Variants in UNC5C observed in about 807,000 individuals in gnomAD.
UNC5C encodes the protein netrin receptor UNC5C.
Under a neutral mutation model 99.8 loss-of-function variants are expected in UNC5C, and 47 were observed. The observed-to-expected ratio is 0.47, with a 90% CI of 0.37 to 0.60. UNC5C has a LOEUF of 0.60. UNC5C is among the 20% of genes least tolerant of loss of function. The pLI is 0.00. For missense variants in UNC5C, 1,062 were observed against 1,165.9 expected (o/e 0.91, Z 1.30); for synonymous variants, 487 against 452.2 (o/e 1.08, Z -0.98).
In UNC5C at chr4:95,343,003, AT is replaced by A. The variant is rs1743637298; in HGVS notation, c.125-7373del. 2.0e-5 allele frequency among the ~76,000 whole-genome samples: 3 copies of A among 151,388 alleles called. No homozygotes were observed. The South Asian group carries it at 6.3e-4, about 32-fold the overall frequency. On this transcript the variant is annotated intron_variant, in intron 1 of 15. Transcript: ENST00000453304. ...TGGGTGCCAGTTTAGCCACAGTAGAATAGAGTTCCAGGTAGATTCTTAAGGT... is the reference window on the plus strand; with the variant it reads ...TGGGTGCCAGTTTAGCCACAGTAGAAAGAGTTCCAGGTAGATTCTTAAGGT...
chr4:95,444,893 T>C (rs1001964811), intron 1 of UNC5C, among the ~76,000 whole-genome samples: 3 of 152,196 alleles, frequency 2.0e-5, no homozygotes, highest in Non-Finnish European at 2.9e-5. Context: ...TTTTCAATTA[T>C]ATTTAGAAAT....
intron 1 of UNC5C, among the ~76,000 whole-genome samples, chr4:95,478,120 CT>C (rs1721002244): frequency 6.6e-6 from 1 of 151,972 alleles, no homozygotes; most frequent in Non-Finnish European, 1.5e-5. Context: ...TTGAACAAGT[CT>C]TTATTAGTCC....
Position 95,500,966 on chromosome 4 carries a change from C to T in UNC5C, c.124+47768G>A, listed in dbSNP as rs569028467. ...CTAACATCAATAGCTATTTTAGATA[C>T]TACTGCATGATCATTAGTCGAAAAA... is the stretch of plus-strand genomic sequence containing the variant. On this transcript the variant is annotated intron_variant, in intron 1 of 15. Transcript: ENST00000453304. 1.2e-4 allele frequency among the ~76,000 whole-genome samples: 19 copies of T among 152,190 alleles called. No homozygotes were observed. The South Asian group carries it at 3.9e-3, about 32-fold the overall frequency.
chr4:95,452,027 G>T (rs986988425), intron 1 of UNC5C, among the ~76,000 whole-genome samples: 3 of 152,078 alleles, frequency 2.0e-5, no homozygotes, highest in African/African-American at 7.2e-5. Flanking sequence ...ACCTTTTAAA[G>T]CAAATATTTA....
intron 4 of UNC5C, among the ~76,000 whole-genome samples, chr4:95,271,291 G>A (rs1271883210): frequency 1.3e-5 from 2 of 151,612 alleles, no homozygotes; most frequent in Non-Finnish European, 2.9e-5. Flanking sequence ...GCAGTGGCGC[G>A]ATCTCGGCTC....
chr4:95,431,248 C>G (rs925029573), intron 1 of UNC5C, among the ~76,000 whole-genome samples: 3 of 152,048 alleles, frequency 2.0e-5, no homozygotes, highest in Admixed American at 1.3e-4. Context: ...CCATACCACT[C>G]TATAGTGATG....
At chr4:95,180,794 A>G (rs983483734) in intron 14 of UNC5C, among the ~76,000 whole-genome samples, 4 of 152,210 alleles carry the variant, frequency 2.6e-5, no homozygotes, top group African/African-American at 9.6e-5. Flanking sequence ...GAGATAGGAC[A>G]TTGGAACGGG....
intron 2 of UNC5C, among the ~76,000 whole-genome samples, chr4:95,327,593 A>T (rs576661230): frequency 6.6e-6 from 1 of 152,094 alleles, no homozygotes; most frequent in Non-Finnish European, 1.5e-5. Flanking sequence ...TCTAAATTTT[A>T]TCTCAGAGAG....
intron 14 of UNC5C, among the ~76,000 whole-genome samples, chr4:95,175,842 C>G (rs141751823): frequency 0.43 from 65,528 of 151,372 alleles, 16,631 homozygotes; most frequent in Admixed American, 0.58. Context: ...AGAGTGTTTT[C>G]CAACTTGGTT....
intron 1 of UNC5C, among the ~76,000 whole-genome samples, chr4:95,503,336 G>A (rs749113522): frequency 6.6e-6 from 1 of 152,046 alleles, no homozygotes; most frequent in East Asian, 1.9e-4. Context: ...CTTCAGAACT[G>A]TGAACTTTTT....
At chr4:95,175,743 A>C (rs892635930) in intron 14 of UNC5C, among the ~76,000 whole-genome samples, 1 of 151,982 alleles carries the variant, frequency 6.6e-6, no homozygotes, top group Admixed American at 6.6e-5. Context: ...CTTCTTGAGG[A>C]GTATCTTTGT....
chr4:95,543,598 T>C (rs1722980018), intron 1 of UNC5C, among the ~76,000 whole-genome samples: 1 of 152,234 alleles, frequency 6.6e-6, no homozygotes, highest in Admixed American at 6.5e-5. Context: ...TGTGTCCATT[T>C]TCTTTTAAAG....
At chr4:95,373,654 C>A (rs1189009481) in intron 1 of UNC5C, among the ~76,000 whole-genome samples, 1 of 152,112 alleles carries the variant, frequency 6.6e-6, no homozygotes, top group Non-Finnish European at 1.5e-5. Context: ...GCAACTGGCA[C>A]AAGGTAGACA....
chr4:95,301,958 C>G (rs1463166956), intron 2 of UNC5C, among the ~76,000 whole-genome samples: 2 of 152,180 alleles, frequency 1.3e-5, no homozygotes, highest in African/African-American at 2.4e-5. Flanking sequence ...TTCACATCTT[C>G]TGGATTATTC....
At chr4:95,224,402 G>T (rs1405941561) in intron 7 of UNC5C, among the ~76,000 whole-genome samples, 1 of 152,210 alleles carries the variant, frequency 6.6e-6, no homozygotes, top group Non-Finnish European at 1.5e-5. Flanking sequence ...TCCCTGTAAA[G>T]CAGTTCTGAG....
At chr4:95,382,688 ACT>A (rs1579372700) in intron 1 of UNC5C, among the ~76,000 whole-genome samples, 1 of 151,816 alleles carries the variant, frequency 6.6e-6, no homozygotes, top group East Asian at 1.9e-4. Context: ...GGAATAATCT[ACT>A]CTCTGTCTCT....
intron 1 of UNC5C, among the ~76,000 whole-genome samples, chr4:95,540,282 C>G (rs1042451062): frequency 6.6e-6 from 1 of 152,110 alleles, no homozygotes; most frequent in Admixed American, 6.6e-5. Context: ...AGTCAGAGGG[C>G]CTGTTGAATA....
At chr4:95,448,585 G>A (rs9995935) in intron 1 of UNC5C, among the ~76,000 whole-genome samples, 51,412 of 151,958 alleles carry the variant, frequency 0.34, 9,128 homozygotes, top group Non-Finnish European at 0.39. Flanking sequence ...TTTAACTCAG[G>A]GTGGAGTTGA....
At chr4:95,187,101 T>C (rs1045782867) in intron 12 of UNC5C, among the ~76,000 whole-genome samples, 24 of 152,212 alleles carry the variant, frequency 1.6e-4, no homozygotes, top group African/African-American at 5.5e-4. Flanking sequence ...AATGAGCTTA[T>C]GTTGATCATG....
Sources: allele counts gnomAD v4.1 joint callset (sites outside exome capture counted in the v4.1 genomes callset), GRCh38; gene constraint gnomAD v4.1.1; transcripts MANE v1.5; gene names NCBI Gene and HGNC (gene_info 2026-07-23, HGNC 2026-07-21).